PCDHGA9: variants seen among roughly 807,000 people sequenced by gnomAD.
PCDHGA9 encodes the protein protocadherin gamma subfamily A, 9.
A neutral mutation model predicts 62.5 loss-of-function variants in PCDHGA9; 37 were observed. That is an observed-to-expected ratio of 0.59 (90% CI 0.46 to 0.78). PCDHGA9 has a LOEUF of 0.78. Ranked by LOEUF, PCDHGA9 falls within the 30% of genes least tolerant of loss-of-function variation. The pLI is 0.00. For synonymous variants in PCDHGA9, 459 were observed against 484.6 expected (o/e 0.95, Z 0.69); for missense variants, 1,138 against 1,166.2 (o/e 0.98, Z 0.35).
rs199507728 is a variant in PCDHGA9, at chr5:141,422,807, G to A, written c.2424+17431G>A. On this transcript the variant is annotated intron_variant, in intron 1 of 3. Coordinates refer to ENST00000573521, the MANE Select transcript of PCDHGA9 (RefSeq NM_018921.3). ...CAATCCTTCGACTATGAGCAGTTTC[G>A]AGACTTAGAACTGAGAGTGATAGCA... 1.9e-3 allele frequency: 3,146 copies of A among 1,614,198 alleles called. 36 individuals are homozygous for A. The highest frequency in any genetic ancestry group is 0.018 in the South Asian group (1,680 of 91,084).
chr5:141,423,169 C>T (rs747206648), intron 1 of PCDHGA9: 4 of 1,613,460 alleles, frequency 2.5e-6, no homozygotes, highest in Admixed American at 3.3e-5. Flanking sequence ...GGTGGCCGTC[C>T]AGGACCACGG....
chr5:141,414,624 G>C, intron 1 of PCDHGA9: 1 of 1,613,932 alleles, frequency 6.2e-7, no homozygotes, highest in Non-Finnish European at 8.5e-7. Context: ...CGCTGGACCC[G>C]GACAGCAAAG....
chr5:141,423,806 T>C (rs2096783171), intron 1 of PCDHGA9: 1 of 1,251,576 alleles, frequency 8.0e-7, no homozygotes, highest in Non-Finnish European at 1.0e-6. Flanking sequence ...GCAATACATG[T>C]GAGTTTTACT....
chr5:141,419,240 G>A lies in PCDHGA9; in HGVS notation c.2424+13864G>A, dbSNP rs753956971. On this transcript the variant is annotated intron_variant, in intron 1 of 3. Coordinates refer to ENST00000573521, the MANE Select transcript of PCDHGA9 (RefSeq NM_018921.3). ...CGGACAGTCAGCCTACCTGGTCCAC[G>A]TGCCAGAAAACAACCAGCCGGGTGC... is the stretch of plus-strand genomic sequence containing the variant. 6.8e-6 allele frequency: 11 copies of A among 1,613,862 alleles called. No individual in the cohort carries two copies. The highest frequency in any genetic ancestry group is 1.7e-5 in the Admixed American group (1 of 60,018).
Position 141,511,165 on chromosome 5 carries a change from A to G in PCDHGA9, c.2791A>G (p.Lys931Glu). 1 of 1,614,096 alleles carries G rather than the reference A, an allele frequency of 6.2e-7. No homozygotes were observed. Among genetic ancestry groups the G allele is most frequent in the East Asian group, 2.2e-5 (1 of 44,870 alleles). ...CAAGAAGAAGTCGGGCAAGAAGGAGAAGAAGTAACATGGAGGCCAGGCCAA... is the reference window on the plus strand; with the variant it reads ...CAAGAAGAAGTCGGGCAAGAAGGAGGAGAAGTAACATGGAGGCCAGGCCAA... ...GNKKKSGKKE[K>E]K Residue 931 changes from lysine (K) to glutamate (E), a missense_variant, in exon 4 of 4, where the codon AAG (lysine) becomes GAG (glutamate). Physicochemically the swap from Lys to Glu is moderately conservative, Grantham distance 56. Transcript: ENST00000573521.
rs955615446 is a variant in PCDHGA9 at position 141,420,343 on chromosome 5, ATTATT to A, written c.2424+14971_2424+14975del. Reference sequence around the variant, plus strand: ...TGCCAATATATTCCAATATAGTGGTATTATTTTAAGATTCTAGATAACTTCTTCAT... The same window carrying A: ...TGCCAATATATTCCAATATAGTGGTATTAAGATTCTAGATAACTTCTTCAT... On this transcript the variant is annotated intron_variant, in intron 1 of 3. Transcript: ENST00000573521. 8 of 1,394,426 alleles carry A rather than the reference ATTATT, an allele frequency of 5.7e-6. No homozygotes were observed. In the African/African-American group the frequency reaches 1.2e-4, roughly 20 times the overall value. 86.4% of individuals were successfully genotyped at this position (1,394,426 alleles called of 1,614,324 possible).
Position 141,476,715 on chromosome 5 carries a change from G to C in PCDHGA9, c.2425-18092G>C. 6.2e-7 allele frequency: 1 copy of C among 1,614,168 alleles called. No individual in the cohort carries two copies. The highest frequency in any genetic ancestry group is 8.5e-7 in the Non-Finnish European group (1 of 1,180,030). On this transcript the variant is annotated intron_variant, in intron 1 of 3. Transcript: ENST00000573521. The surrounding 1 kb of genome is among the most constrained non-coding windows in gnomAD (Gnocchi z 7.6). ...AAGTACGCGGAGCTGGTGTTGGAGC[G>C]CGCCCTGGACCGAGAACGGGAGCCT...
chr5:141,509,086 A>T lies in PCDHGA9; in HGVS notation c.2573-1861A>T, dbSNP rs147084289. On this transcript the variant is annotated intron_variant, in intron 3 of 3. Coordinates refer to ENST00000573521, the MANE Select transcript of PCDHGA9 (RefSeq NM_018921.3). ...CAGCTCCGGGGATTTGCGACATGAAATGGGGGCTGTAGAAACCTGAGCGCT... is the reference window on the plus strand; with the variant it reads ...CAGCTCCGGGGATTTGCGACATGAATTGGGGGCTGTAGAAACCTGAGCGCT... 8.3e-3 allele frequency among the ~76,000 whole-genome samples: 1,261 copies of T among 152,228 alleles called. 7 individuals are homozygous for T. Among genetic ancestry groups the T allele is most frequent in the Middle Eastern group, 0.037 (11 of 294 alleles).
In PCDHGA9 at chr5:141,405,082, G is replaced by C; in HGVS notation, c.2130G>C (p.Thr710=). 1 of 1,613,794 alleles carries C rather than the reference G, an allele frequency of 6.2e-7. No homozygotes were observed. The highest frequency in any genetic ancestry group is 2.2e-5 in the East Asian group (1 of 44,872). The change falls in exon 1 of 4, where the codon ACG becomes ACC. Residue 710 remains threonine (T), a synonymous_variant. Coordinates refer to ENST00000573521, the MANE Select transcript of PCDHGA9 (RefSeq NM_018921.3). The part of the protein sequence containing the change: ...VSCVFLTFVI[T]LLALRLRHWH... ...GTGTCTTCCTCACCTTCGTTATCAC[G>C]CTGCTGGCCCTCAGGCTGAGGCACT...
rs1432960207 is a variant in PCDHGA9, at chr5:141,477,648, C to A, written c.2425-17159C>A. On this transcript the variant is annotated intron_variant, in intron 1 of 3. Coordinates refer to ENST00000573521, the MANE Select transcript of PCDHGA9 (RefSeq NM_018921.3). This position sits in a 1 kb window ranked among gnomAD's most constrained non-coding sequence, Gnocchi z 4.9. ...ACCGGGCTAGTGGGTCGCTATTTCA[C>A]AATAAATCGTGACAATGGCATAGTG... is the stretch of plus-strand genomic sequence containing the variant. 7 of 1,614,046 alleles carry A rather than the reference C, an allele frequency of 4.3e-6. No homozygotes were observed. Among genetic ancestry groups the A allele is most frequent in the Non-Finnish European group, 5.9e-6 (7 of 1,180,044 alleles).
Position 141,431,758 on chromosome 5 carries a change from C to T in PCDHGA9, c.2424+26382C>T. Reference sequence around the variant, plus strand: ...CAGGATATTCTGCGCGAGCCAAAGTCCTGATCACTGTTCTGGACGTGAACG... The same window carrying T: ...CAGGATATTCTGCGCGAGCCAAAGTTCTGATCACTGTTCTGGACGTGAACG... On this transcript the variant is annotated intron_variant, in intron 1 of 3. Transcript: ENST00000573521. This position sits in a 1 kb window ranked among gnomAD's most constrained non-coding sequence, Gnocchi z 4.8. 1.9e-6 allele frequency: 3 copies of T among 1,614,172 alleles called. No homozygotes were observed. The highest frequency in any genetic ancestry group is 1.7e-6 in the Non-Finnish European group (2 of 1,180,020).
At position 141,485,260 on chromosome 5, in the gene PCDHGA9, G is replaced by A. The variant is rs773919574; in HGVS notation, c.2425-9547G>A. On this transcript the variant is annotated intron_variant, in intron 1 of 3. Transcript: ENST00000573521. This position sits in a 1 kb window ranked among gnomAD's most constrained non-coding sequence, Gnocchi z 5.7. ...TTTACCACCTGGGTTACGTTTGTGG[G>A]CAGATCCGCTACCCGGTCCCAGAGG... The A allele has an allele frequency of 8.7e-6, 14 of 1,614,002 alleles. No individual in the cohort carries two copies. In the African/African-American group the frequency reaches 1.5e-4, roughly 17 times the overall value.
chr5:141,418,360 G>A (rs544948410), intron 1 of PCDHGA9: 3 of 1,613,990 alleles, frequency 1.9e-6, no homozygotes, highest in Non-Finnish European at 2.5e-6. Context: ...TGAATTCGCT[G>A]AGCAAATACC....
At chr5:141,495,463 G>T (rs1562169154) in intron 2 of PCDHGA9, among the ~76,000 whole-genome samples, 1 of 152,114 alleles carries the variant, frequency 6.6e-6, no homozygotes, top group Non-Finnish European at 1.5e-5. Context: ...TCTGTCTGTG[G>T]GGTCTCCGTG....
Position 141,403,690 on chromosome 5 carries a change from T to G in PCDHGA9, c.738T>G (p.Ile246Met). Residue 246 changes from isoleucine to methionine, a missense_variant, in exon 1 of 4, where the codon ATT becomes ATG. Coordinates refer to ENST00000573521, the MANE Select transcript of PCDHGA9 (RefSeq NM_018921.3). Reference protein sequence around the residue: ...NDNAPVFAQRIYRVKVLENVP... With the variant: ...NDNAPVFAQRMYRVKVLENVP... ...ATGCCCCGGTTTTTGCTCAACGGAT[T>G]TACCGAGTTAAAGTCCTTGAGAACG... The G allele has an allele frequency of 6.2e-7, 1 of 1,613,908 alleles. No individual in the cohort carries two copies. Among genetic ancestry groups the G allele is most frequent in the Non-Finnish European group, 8.5e-7 (1 of 1,179,886 alleles).
At chr5:141,427,825 C>T (rs1342117815) in intron 1 of PCDHGA9, 2 of 1,536,464 alleles carry the variant, frequency 1.3e-6, no homozygotes, top group Non-Finnish European at 1.8e-6. Flanking sequence ...GTGGTGGTCG[C>T]GCAGCGTGCC....
intron 2 of PCDHGA9, among the ~76,000 whole-genome samples, chr5:141,497,880 T>C (rs2099780200): frequency 6.6e-6 from 1 of 152,170 alleles, no homozygotes; most frequent in Non-Finnish European, 1.5e-5. Context: ...GAAATAAGCG[T>C]TAGGATCTAG....
chr5:141,478,718 C>T, intron 1 of PCDHGA9: 1 of 1,544,994 alleles, frequency 6.5e-7, no homozygotes, highest in East Asian at 2.4e-5. Context: ...AGATGGTGGC[C>T]TGCCAGAGTG....
At chr5:141,459,300 A>G (rs954766370) in intron 1 of PCDHGA9, among the ~76,000 whole-genome samples, 2 of 152,202 alleles carry the variant, frequency 1.3e-5, no homozygotes, top group Non-Finnish European at 2.9e-5. Context: ...ATCCTATAAC[A>G]TATACTATTT....
Sources: allele counts gnomAD v4.1 joint callset (sites outside exome capture counted in the v4.1 genomes callset), GRCh38; gene constraint gnomAD v4.1.1; non-coding constraint Gnocchi (gnomAD v3.1); transcripts MANE v1.5; gene names NCBI Gene and HGNC (gene_info 2026-07-23, HGNC 2026-07-21).